The following DOK6 variants were observed in gnomAD, a reference collection of about 807,000 sequenced individuals.
DOK6 encodes the protein docking protein 6.
A neutral mutation model predicts 44.0 loss-of-function variants in DOK6; 22 were observed. The observed-to-expected ratio is 0.50, with a 90% CI of 0.36 to 0.71. The LOEUF (loss-of-function observed/expected upper bound fraction) is 0.71. Among genes scored for constraint, DOK6 ranks in the 30% least tolerant of loss-of-function variants. DOK6 has a pLI of 0.00. For synonymous variants in DOK6, 166 were observed against 145.5 expected (o/e 1.14, Z -1.01); for missense variants, 340 against 416.4 (o/e 0.82, Z 1.60).
chr18:69,836,035 T>C (rs1982044805), intron 7 of DOK6, among the ~76,000 whole-genome samples: 1 of 152,220 alleles, frequency 6.6e-6, no homozygotes, highest in Admixed American at 6.5e-5. Flanking sequence ...TTGTTGGTCA[T>C]TCTGTGTCAG....
At chr18:69,545,535 A>G (rs939244051) in intron 1 of DOK6, among the ~76,000 whole-genome samples, 2 of 148,650 alleles carry the variant, frequency 1.3e-5, no homozygotes, top group Non-Finnish European at 3.0e-5. Context: ...AAAAAAAAAG[A>G]AAAGAAAAAA....
chr18:69,454,670 C>A (rs1205107636), intron 1 of DOK6, among the ~76,000 whole-genome samples: 2 of 122,438 alleles, frequency 1.6e-5, no homozygotes, highest in African/African-American at 2.9e-5. Flanking sequence ...AAATGTCCAA[C>A]AATTATAGAC....
intron 3 of DOK6, among the ~76,000 whole-genome samples, chr18:69,657,732 C>G (rs1374415608): frequency 1.3e-5 from 2 of 152,128 alleles, no homozygotes; most frequent in African/African-American, 4.8e-5. Flanking sequence ...TGGCCCAACA[C>G]AAGAAGGAAA....
intron 1 of DOK6, among the ~76,000 whole-genome samples, chr18:69,442,720 A>G (rs191441118): frequency 3.3e-4 from 48 of 145,480 alleles, no homozygotes; most frequent in African/African-American, 1.3e-3. Context: ...GTCTTTACAC[A>G]TGTTGCTTAT....
At chr18:69,690,020 A>C (rs1260426967) in intron 4 of DOK6, among the ~76,000 whole-genome samples, 7 of 152,156 alleles carry the variant, frequency 4.6e-5, no homozygotes, top group Admixed American at 4.6e-4. Context: ...ATACAGTATA[A>C]CAGAAATCTC....
At chr18:69,568,270 G>A (rs573794591) in intron 2 of DOK6, among the ~76,000 whole-genome samples, 25 of 152,178 alleles carry the variant, frequency 1.6e-4, no homozygotes, top group South Asian at 6.2e-4. Context: ...GAGCCTTCCC[G>A]TGTTATGGCT....
intron 4 of DOK6, among the ~76,000 whole-genome samples, chr18:69,698,172 C>A (rs900466198): frequency 1.3e-5 from 2 of 152,164 alleles, no homozygotes; most frequent in Non-Finnish European, 1.5e-5. Flanking sequence ...ACAATACATG[C>A]AATGAAAAGT....
In DOK6 at chr18:69,684,695, T is replaced by C. The variant is rs1444606296; in HGVS notation, c.409+6842T>C. Reference sequence around the variant, plus strand: ...ACGTGCTTATATCATCCTGTATAAATTGGAGGTTTCTTCAAAAGAAGACTA... The same window carrying C: ...ACGTGCTTATATCATCCTGTATAAACTGGAGGTTTCTTCAAAAGAAGACTA... On this transcript the variant is annotated intron_variant, in intron 4 of 7. Coordinates refer to ENST00000382713, the MANE Select transcript of DOK6 (RefSeq NM_152721.6). Among the ~76,000 whole-genome samples, 5 of 152,168 alleles carry C rather than the reference T, an allele frequency of 3.3e-5. No homozygotes were observed. In the South Asian group the frequency reaches 8.3e-4, roughly 25 times the overall value.
intron 1 of DOK6, among the ~76,000 whole-genome samples, chr18:69,493,473 A>G (rs1980796300): frequency 6.6e-6 from 1 of 152,204 alleles, no homozygotes; most frequent in Admixed American, 6.5e-5. Context: ...GATCTGCTAA[A>G]TCACAAACTC....
At chr18:69,537,794 T>A (rs1035791412) in intron 1 of DOK6, among the ~76,000 whole-genome samples, 1 of 152,242 alleles carries the variant, frequency 6.6e-6, no homozygotes, top group Non-Finnish European at 1.5e-5. Context: ...AATCTCTTTT[T>A]CAGAGGACAT....
intron 7 of DOK6, among the ~76,000 whole-genome samples, chr18:69,805,227 C>T (rs2145110110): frequency 6.6e-6 from 1 of 152,240 alleles, no homozygotes; most frequent in African/African-American, 2.4e-5. Context: ...ACTGTTGAGA[C>T]AGTAAACTCA....
chr18:69,625,949 A>G (rs1398922389), intron 3 of DOK6, among the ~76,000 whole-genome samples: 13 of 152,246 alleles, frequency 8.5e-5, no homozygotes, highest in Non-Finnish European at 8.8e-5. Context: ...CATATGGAAT[A>G]GATAGAAAAA....
At chr18:69,670,155 T>C (rs965314284) in intron 3 of DOK6, among the ~76,000 whole-genome samples, 8 of 152,196 alleles carry the variant, frequency 5.3e-5, no homozygotes, top group African/African-American at 1.9e-4. Context: ...AAATACACTT[T>C]CAGATTTGTT....
chr18:69,706,015 A>C (rs1439075595), intron 5 of DOK6, among the ~76,000 whole-genome samples: 1 of 152,158 alleles, frequency 6.6e-6, no homozygotes, highest in Non-Finnish European at 1.5e-5. Flanking sequence ...AACTCAATAC[A>C]TGCAGGTTCT....
At chr18:69,420,496 AT>A (rs1320400918) in intron 1 of DOK6, among the ~76,000 whole-genome samples, 2 of 151,776 alleles carry the variant, frequency 1.3e-5, no homozygotes, top group Admixed American at 6.6e-5. Flanking sequence ...ATTTATTTTT[AT>A]TTTTTTAATT....
chr18:69,499,831 T>C (rs1021621758), intron 1 of DOK6, among the ~76,000 whole-genome samples: 2 of 152,182 alleles, frequency 1.3e-5, no homozygotes, highest in Non-Finnish European at 2.9e-5. Context: ...TTCTTCTAGG[T>C]TTTCTTGATG....
At chr18:69,648,011 T>C (rs1985127763) in intron 3 of DOK6, among the ~76,000 whole-genome samples, 1 of 152,172 alleles carries the variant, frequency 6.6e-6, no homozygotes, top group Non-Finnish European at 1.5e-5. Context: ...AGGATTACAG[T>C]GACTAGAAGC....
At chr18:69,679,941 T>TAC (rs572544996) in intron 4 of DOK6, among the ~76,000 whole-genome samples, 15 of 151,010 alleles carry the variant, frequency 9.9e-5, no homozygotes, top group Non-Finnish European at 1.3e-4. Context: ...TTAAAACACA[T>TAC]ACACACACAC....
At chr18:69,772,488 AT>A (rs1344185517) in intron 7 of DOK6, among the ~76,000 whole-genome samples, 3 of 152,206 alleles carry the variant, frequency 2.0e-5, no homozygotes, top group Admixed American at 2.0e-4. Context: ...TTAAAGCAAT[AT>A]GCTTAAAACA....
Sources: gnomAD v4.1 joint callset for allele counts (sites outside exome capture counted in the v4.1 genomes callset) on GRCh38, gnomAD v4.1.1 for gene constraint, MANE v1.5 for transcripts, NCBI Gene and HGNC (gene_info 2026-07-23, HGNC 2026-07-21) for gene names.